The following TTLL5 variants were observed in gnomAD, a reference collection of about 807,000 sequenced individuals.
TTLL5 encodes tubulin tyrosine ligase like 5.
Under a neutral mutation model 168.4 loss-of-function variants are expected in TTLL5, and 132 were observed. The ratio of observed to expected loss-of-function variants is 0.78; its 90% CI spans 0.68 to 0.91. The LOEUF is 0.91. Ranked by LOEUF, TTLL5 falls within the 40% of genes least tolerant of loss-of-function variation. TTLL5 has a pLI of 0.00. For missense variants in TTLL5, 1,545 were observed against 1,581.5 expected (o/e 0.98, Z 0.39); for synonymous variants, 546 against 558.6 (o/e 0.98, Z 0.32).
intron 29 of TTLL5, among the ~76,000 whole-genome samples, chr14:75,869,457 A>G (rs1458294413): frequency 6.6e-6 from 1 of 152,168 alleles, no homozygotes; most frequent in Non-Finnish European, 1.5e-5. Context: ...TAATTTGAAG[A>G]TGATGATATA....
intron 29 of TTLL5, among the ~76,000 whole-genome samples, chr14:75,875,235 T>G (rs1407488069): frequency 6.7e-6 from 1 of 149,128 alleles, no homozygotes; most frequent in African/African-American, 2.4e-5. Context: ...GCGCGGCCTA[T>G]ATTTTTTAAC....
At chr14:75,902,307 A>G in intron 31 of TTLL5, 83 bp downstream of exon 31, 1 of 1,366,814 alleles carries the variant, frequency 7.3e-7, no homozygotes, top group South Asian at 1.2e-5. Context: ...CTGCCTCCAA[A>G]GAGAGCCCCA....
intron 9 of TTLL5, chr14:75,711,168 T>C (rs1418578390): frequency 6.6e-6 from 1 of 152,238 alleles, no homozygotes; most frequent in East Asian, 1.9e-4. Flanking sequence ...TCTCACTGTT[T>C]TCTCATGTGT....
Position 75,910,609 on chromosome 14 carries a change from TGCTAAGCCAC to T in TTLL5, c.3823+8388_3823+8397del, listed in dbSNP as rs541071427. 1.6e-4 allele frequency among the ~76,000 whole-genome samples: 24 copies of T among 152,344 alleles called. No individual in the cohort carries two copies. The South Asian group carries it at 4.6e-3, about 29-fold the overall frequency. On this transcript the variant is annotated intron_variant, in intron 31 of 31. Coordinates refer to ENST00000298832, the MANE Select transcript of TTLL5 (RefSeq NM_015072.5). ...AAAGTTCTAAAGAAAGAAAATGACA[TGCTAAGCCAC>T]GCCTGTCTTTGGAAAAAGCAAGCTT... is the stretch of plus-strand genomic sequence containing the variant.
chr14:75,677,101 A>G (rs1255165863), intron 3 of TTLL5, among the ~76,000 whole-genome samples: 1 of 152,062 alleles, frequency 6.6e-6, no homozygotes, highest in African/African-American at 2.4e-5. Context: ...GCTATATAAA[A>G]TGTATAATTA....
intron 26 of TTLL5, among the ~76,000 whole-genome samples, chr14:75,783,926 A>G (rs1892212448): frequency 6.6e-6 from 1 of 152,234 alleles, no homozygotes; most frequent in African/African-American, 2.4e-5. Context: ...ATAAATAACC[A>G]AAGAATTCTT....
At chr14:75,906,063 C>T (rs1282544500) in intron 31 of TTLL5, among the ~76,000 whole-genome samples, 2 of 152,194 alleles carry the variant, frequency 1.3e-5, no homozygotes, top group Non-Finnish European at 2.9e-5. Flanking sequence ...GGCAACAGCA[C>T]ATCAGTGTGA....
intron 28 of TTLL5, among the ~76,000 whole-genome samples, chr14:75,825,902 C>T (rs1566620469): frequency 6.6e-6 from 1 of 152,104 alleles, no homozygotes; most frequent in African/African-American, 2.4e-5. Flanking sequence ...CGTAACCTCT[C>T]AAGAGTTATA....
chr14:75,820,141 C>CT lies in TTLL5; in HGVS notation c.3307dup (p.Ser1103PhefsTer54). On this transcript the variant is annotated frameshift_variant, in exon 28 of 32. Coordinates refer to ENST00000298832, the MANE Select transcript of TTLL5 (RefSeq NM_015072.5). LOFTEE classifies it high-confidence loss of function. ...CAGACCCCCAAGCTCCCGAGAATCA[C>CT]TCCAGCTCTCCTGGAAGCAGGTATG... 1 of 1,594,244 alleles carries CT rather than the reference C, an allele frequency of 6.3e-7. No individual in the cohort carries two copies. Among genetic ancestry groups the CT allele is most frequent in the Non-Finnish European group, 8.5e-7 (1 of 1,171,478 alleles).
intron 28 of TTLL5, among the ~76,000 whole-genome samples, chr14:75,849,071 C>T (rs933849926): frequency 6.6e-6 from 1 of 152,214 alleles, no homozygotes; most frequent in Non-Finnish European, 1.5e-5. Flanking sequence ...ATATCAGCTT[C>T]TAGCTTTTTG....
chr14:75,834,525 C>T (rs1895770933), intron 28 of TTLL5, among the ~76,000 whole-genome samples: 1 of 151,970 alleles, frequency 6.6e-6, no homozygotes, highest in Non-Finnish European at 1.5e-5. Flanking sequence ...CACTTTTTAC[C>T]ATTGTGGATC....
At chr14:75,722,708 G>A (rs958914053) in intron 12 of TTLL5, among the ~76,000 whole-genome samples, 7 of 151,700 alleles carry the variant, frequency 4.6e-5, no homozygotes, top group Admixed American at 2.6e-4. Flanking sequence ...GTGCAATGGC[G>A]CAATCGTATT....
At chr14:75,698,896 A>G (rs1447373588) in intron 6 of TTLL5, among the ~76,000 whole-genome samples, 2 of 151,212 alleles carry the variant, frequency 1.3e-5, no homozygotes, top group Non-Finnish European at 2.9e-5. Context: ...CAGAGCAAAG[A>G]CCCTGCCTTA....
At chr14:75,830,450 A>G (rs1488938991) in intron 28 of TTLL5, among the ~76,000 whole-genome samples, 1 of 152,234 alleles carries the variant, frequency 6.6e-6, no homozygotes, top group Non-Finnish European at 1.5e-5. Flanking sequence ...TCTTCTCAGC[A>G]CACACAAAAA....
chr14:75,795,914 T>C (rs1248114473), intron 27 of TTLL5, among the ~76,000 whole-genome samples: 2 of 152,212 alleles, frequency 1.3e-5, no homozygotes, highest in African/African-American at 4.8e-5. Flanking sequence ...ATCTTTTTCA[T>C]ATAATGACTT....
At chr14:75,912,495 A>G (rs976911499) in intron 31 of TTLL5, among the ~76,000 whole-genome samples, 9 of 152,200 alleles carry the variant, frequency 5.9e-5, no homozygotes, top group Non-Finnish European at 1.5e-5. Context: ...ATAACAAGGT[A>G]TAAAGGGAAA....
chr14:75,784,756 C>T (rs1310109735), intron 26 of TTLL5, among the ~76,000 whole-genome samples: 1 of 152,088 alleles, frequency 6.6e-6, no homozygotes, highest in Non-Finnish European at 1.5e-5. Flanking sequence ...TATGAGTTGT[C>T]TCTGTTTTTG....
chr14:75,735,119 C>A, intron 14 of TTLL5, 76 bp from the exon 15 acceptor site: 1 of 1,368,178 alleles, frequency 7.3e-7, no homozygotes, highest in Non-Finnish European at 1.0e-6. Flanking sequence ...GTTTGTGTAT[C>A]TAAAGAAAAG....
At chr14:75,817,097 A>T (rs551525047) in intron 27 of TTLL5, among the ~76,000 whole-genome samples, 1 of 146,846 alleles carries the variant, frequency 6.8e-6, no homozygotes, top group Non-Finnish European at 1.5e-5. Flanking sequence ...CTCCTGCCTC[A>T]GTTTCCTGAG....
Sources: gnomAD v4.1 joint callset for allele counts (sites outside exome capture counted in the v4.1 genomes callset) on GRCh38, gnomAD v4.1.1 for gene constraint, MANE v1.5 for transcripts, NCBI Gene and HGNC (gene_info 2026-07-23, HGNC 2026-07-21) for gene names.